The following LUZP4 variants were observed in gnomAD, a reference collection of about 807,000 sequenced individuals.
LUZP4 encodes the protein HOM-TES-85 tumor antigen.
A neutral mutation model predicts 8.5 loss-of-function variants in LUZP4; 11 were observed. That is an observed-to-expected ratio of 1.30 (90% CI 0.82 to 2.14). LUZP4 has a LOEUF of 2.14. Among genes scored for constraint, LUZP4 ranks in the 30% most tolerant of loss-of-function variants. The probability of loss-of-function intolerance (pLI) is 0.00; values close to 1 mark genes in which losing one functional copy is unlikely to be tolerated. For missense variants in LUZP4, 276 were observed against 229.7 expected, an observed-to-expected ratio of 1.20 and a Z score of -1.30; for synonymous variants, 104 against 79.4, an observed-to-expected ratio of 1.31 and a Z score of -1.65.
intron 1 of LUZP4, among the ~76,000 whole-genome samples, chrX:115,297,069 C>G (rs978012682): frequency 5.4e-5 from 6 of 111,737 alleles, no homozygotes; most frequent in Non-Finnish European, 1.1e-4. Context: ...ATTATCCATC[C>G]TCTTAAGCAT....
chrX:115,300,093 CTCTCT>C (rs2073389583), intron 1 of LUZP4, among the ~76,000 whole-genome samples: 1 of 111,542 alleles, frequency 9.0e-6, no homozygotes, highest in Non-Finnish European at 1.9e-5. Flanking sequence ...CCACTCTTCC[CTCTCT>C]TCTCAAGTGG....
intron 1 of LUZP4, among the ~76,000 whole-genome samples, chrX:115,297,040 G>A (rs1289939267): frequency 9.0e-6 from 1 of 111,359 alleles, no homozygotes; most frequent in East Asian, 2.8e-4. Context: ...TTGCAATGTG[G>A]AATAAGCACA....
At position 115,290,932 on chromosome X, in the gene LUZP4, G is replaced by A. The variant is rs113395991; in HGVS notation, c.91+1082G>A. On this transcript the variant is annotated intron_variant, in intron 1 of 3. Coordinates refer to ENST00000371920, the MANE Select transcript of LUZP4 (RefSeq NM_016383.5). ...AGAGTAGCTGGGACTACAGGCACGC[G>A]CCACCACACCTGTCTAGGTTTTTGT... is the stretch of plus-strand genomic sequence containing the variant. 5.9e-3 allele frequency among the ~76,000 whole-genome samples: 652 copies of A among 110,887 alleles called. 5 individuals are homozygous for A. The highest frequency in any genetic ancestry group is 0.02 in the African/African-American group (596 of 30,485).
intron 3 of LUZP4, among the ~76,000 whole-genome samples, chrX:115,305,386 T>C (rs1411042462): frequency 8.9e-6 from 1 of 112,357 alleles, no homozygotes; most frequent in African/African-American, 3.2e-5. Flanking sequence ...TTTGTGCTGG[T>C]ACCTTCCCTG....
intron 1 of LUZP4, among the ~76,000 whole-genome samples, chrX:115,299,473 T>C (rs1556600508): frequency 9.1e-6 from 1 of 109,523 alleles, no homozygotes; most frequent in Non-Finnish European, 1.9e-5. Context: ...TGGTGTTCTA[T>C]TGTATTATGG....
chrX:115,304,406 G>C (rs1312875399), intron 3 of LUZP4, among the ~76,000 whole-genome samples: 4 of 112,319 alleles, frequency 3.6e-5, no homozygotes, highest in Non-Finnish European at 5.6e-5. Flanking sequence ...TTTTTATACA[G>C]TTTGGGAAGA....
chrX:115,306,941 T>G lies in LUZP4; in HGVS notation c.*137T>G. 1.7e-6 allele frequency: 1 copy of G among 584,105 alleles called. No homozygotes were observed. The highest frequency in any genetic ancestry group is 3.4e-5 in the East Asian group (1 of 29,764). The allele number at this position is 584,105 out of a possible 1,213,427, so 48.1% of individuals were successfully genotyped here. A position where few individuals can be genotyped will look rare whatever the true frequency, so the allele number is the denominator to read the frequency against. On this transcript the variant is annotated 3_prime_UTR_variant, in exon 4 of 4. Transcript: ENST00000371920. The stretch of plus-strand genomic sequence containing the variant: ...TAGAATGGAGGTAATACATACATAG[T>G]ATCAATATTGTTTCAACTTGATGTC...
chrX:115,292,692 T>A (rs2073353838), intron 1 of LUZP4, among the ~76,000 whole-genome samples: 1 of 111,213 alleles, frequency 9.0e-6, no homozygotes, highest in Admixed American at 9.7e-5. Flanking sequence ...ATCCTTGACT[T>A]GTTTCTGATC....
At chrX:115,290,981 T>C (rs1556596497) in intron 1 of LUZP4, among the ~76,000 whole-genome samples, 1 of 111,249 alleles carries the variant, frequency 9.0e-6, no homozygotes, top group African/African-American at 3.3e-5. Context: ...TTTGTTTTGT[T>C]TTTTAGTAGA....
chrX:115,307,040 C>T lies in LUZP4; in HGVS notation c.*236C>T. 1 of 395,361 alleles carries T rather than the reference C, an allele frequency of 2.5e-6. No homozygotes were observed. 32.6% of individuals were successfully genotyped at this position (395,361 alleles called of 1,213,427 possible). A position where few individuals can be genotyped will look rare whatever the true frequency, so the allele number is the denominator to read the frequency against. On this transcript the variant is annotated 3_prime_UTR_variant, in exon 4 of 4. Transcript: ENST00000371920. Reference sequence around the variant, plus strand: ...GGTAGGTCTGCTTTCCCTGGAAGAGCCGTATGTACTCAGCCTTTCCTATTG... The same window carrying T: ...GGTAGGTCTGCTTTCCCTGGAAGAGTCGTATGTACTCAGCCTTTCCTATTG...
At chrX:115,292,538 T>C (rs1414606698) in intron 1 of LUZP4, among the ~76,000 whole-genome samples, 4 of 110,839 alleles carry the variant, frequency 3.6e-5, no homozygotes, top group Non-Finnish European at 7.5e-5. Context: ...TGTGTATCTT[T>C]AGGAATTTCT....
In LUZP4 at chrX:115,307,381, A is replaced by G. The variant is rs147825424; in HGVS notation, c.*577A>G. Reference sequence around the variant, plus strand: ...CATAGATGTAATGCTAACCTTCTGAATATATTTTGAATACATTTATATATT... The same window carrying G: ...CATAGATGTAATGCTAACCTTCTGAGTATATTTTGAATACATTTATATATT... On this transcript the variant is annotated 3_prime_UTR_variant, in exon 4 of 4. Transcript: ENST00000371920. 79 of 114,942 alleles carry G rather than the reference A, an allele frequency of 6.9e-4. No individual in the cohort carries two copies. Among genetic ancestry groups the G allele is most frequent in the African/African-American group, 2.4e-3 (75 of 30,772 alleles). 9.5% of individuals were successfully genotyped at this position (114,942 alleles called of 1,213,427 possible).
chrX:115,290,154 T>C (rs782326505), intron 1 of LUZP4, among the ~76,000 whole-genome samples: 2 of 110,776 alleles, frequency 1.8e-5, no homozygotes, highest in South Asian at 3.9e-4. Flanking sequence ...GCGGAGAAAA[T>C]AGACCGCTAT....
At chrX:115,295,230 C>T (rs1242607843) in intron 1 of LUZP4, among the ~76,000 whole-genome samples, 1 of 111,260 alleles carries the variant, frequency 9.0e-6, no homozygotes, top group Non-Finnish European at 1.9e-5. Context: ...TGTGCACCAC[C>T]ACACCTGGCT....
chrX:115,305,091 T>A (rs2073414495), intron 3 of LUZP4, among the ~76,000 whole-genome samples: 1 of 111,967 alleles, frequency 8.9e-6, no homozygotes, highest in Non-Finnish European at 1.9e-5. Flanking sequence ...TATACTTATT[T>A]CTTATATAAA....
At chrX:115,302,226 C>G (rs1556601903) in intron 2 of LUZP4, 103 bp downstream of exon 2, 2 of 771,804 alleles carry the variant, frequency 2.6e-6, no homozygotes, top group African/African-American at 4.4e-5. Context: ...TCTAAAGTTG[C>G]ATTATGTTGC....
At chrX:115,303,477 A>T (rs1556602524) in intron 3 of LUZP4, 59 bp downstream of exon 3, 2 of 572,003 alleles carry the variant, frequency 3.5e-6, no homozygotes, top group African/African-American at 4.8e-5. Flanking sequence ...ATATTTCCTA[A>T]TATTAATGAT....
At chrX:115,304,322 T>C (rs781917623) in intron 3 of LUZP4, among the ~76,000 whole-genome samples, 1 of 111,449 alleles carries the variant, frequency 9.0e-6, no homozygotes, top group South Asian at 3.8e-4. Flanking sequence ...TAGAAATTCA[T>C]TCTGATTGGG....
At chrX:115,292,518 C>T (rs2073353034) in intron 1 of LUZP4, among the ~76,000 whole-genome samples, 1 of 109,111 alleles carries the variant, frequency 9.2e-6, no homozygotes, top group African/African-American at 3.3e-5. Context: ...TGCTAATCTC[C>T]GTGTGTGTGT....
Sources: allele counts gnomAD v4.1 joint callset (sites outside exome capture counted in the v4.1 genomes callset), GRCh38; gene constraint gnomAD v4.1.1; transcripts MANE v1.5; gene names NCBI Gene and HGNC (gene_info 2026-07-23, HGNC 2026-07-21).